Variants in SDCCAG8 observed in about 807,000 individuals in gnomAD.
SDCCAG8 encodes SHH signaling and ciliogenesis regulator SDCCAG8.
A neutral mutation model predicts 101.8 loss-of-function variants in SDCCAG8; 74 were observed. The observed-to-expected ratio is 0.73, with a 90% CI of 0.60 to 0.88. The LOEUF (loss-of-function observed/expected upper bound fraction) is 0.88. SDCCAG8 is among the 40% of genes least tolerant of loss of function. SDCCAG8 has a pLI of 0.00. For synonymous variants in SDCCAG8, 281 were observed against 292.9 expected (o/e 0.96, Z 0.41); for missense variants, 787 against 822.6 (o/e 0.96, Z 0.53).
At chr1:243,482,062 A>G (rs1663858830) in intron 16 of SDCCAG8, among the ~76,000 whole-genome samples, 1 of 152,258 alleles carries the variant, frequency 6.6e-6, no homozygotes, top group African/African-American at 2.4e-5. Flanking sequence ...TATGTATCAC[A>G]TACAACATAA....
chr1:243,478,956 CAAAA>C (rs148382740), intron 16 of SDCCAG8, among the ~76,000 whole-genome samples: 23 of 94,720 alleles, frequency 2.4e-4, no homozygotes, highest in Admixed American at 3.5e-4. Flanking sequence ...GACTCTGTCT[CAAAA>C]AAAAAAAAAA....
chr1:243,433,058 A>C (rs537674679), intron 16 of SDCCAG8, among the ~76,000 whole-genome samples: 1 of 152,104 alleles, frequency 6.6e-6, no homozygotes, highest in Non-Finnish European at 1.5e-5. Context: ...AACTGGGCGA[A>C]GGGTCACCTC....
intron 11 of SDCCAG8, among the ~76,000 whole-genome samples, chr1:243,341,591 T>A (rs1478982732): frequency 6.6e-6 from 1 of 152,234 alleles, no homozygotes; most frequent in Non-Finnish European, 1.5e-5. Context: ...TATTGACAAC[T>A]TAAAAGGTGT....
At position 243,286,297 on chromosome 1, in the gene SDCCAG8, A is replaced by G; in HGVS notation, c.446A>G (p.Lys149Arg). The G allele has an allele frequency of 6.2e-7, 1 of 1,614,102 alleles. No homozygotes were observed. Residue 149 changes from lysine (K) to arginine (R), a missense_variant, in exon 5 of 18, where the codon AAA becomes AGA. Coordinates refer to ENST00000366541, the MANE Select transcript of SDCCAG8 (RefSeq NM_006642.5). ...GAGGAACTCTCTGGAATGAAAAATA[A>G]AATACAAGTAGTTGTGCTTGAAAAC... ...CKEELSGMKN[K>R]IQVVVLENEG... is the part of the protein sequence containing the mutation.
intron 16 of SDCCAG8, among the ~76,000 whole-genome samples, chr1:243,439,926 G>T (rs1415776864): frequency 6.6e-6 from 1 of 152,156 alleles, no homozygotes; most frequent in Non-Finnish European, 1.5e-5. Flanking sequence ...TCTCTACTAG[G>T]GGCCTTTCAG....
chr1:243,455,984 G>T (rs142532717), intron 16 of SDCCAG8, among the ~76,000 whole-genome samples: 1 of 152,200 alleles, frequency 6.6e-6, no homozygotes, highest in Non-Finnish European at 1.5e-5. Flanking sequence ...CCTCTGGACC[G>T]AAGGGATGCG....
chr1:243,456,677 A>G (rs1193047361), intron 16 of SDCCAG8, among the ~76,000 whole-genome samples: 3 of 152,150 alleles, frequency 2.0e-5, no homozygotes, highest in East Asian at 3.9e-4. Flanking sequence ...AGGGAGGGCA[A>G]TTGGCTTGGT....
At chr1:243,291,811 G>C (rs2070296146) in intron 5 of SDCCAG8, among the ~76,000 whole-genome samples, 1 of 152,084 alleles carries the variant, frequency 6.6e-6, no homozygotes, top group African/African-American at 2.4e-5. Flanking sequence ...CAGGTTAAGG[G>C]CTCAGTACCA....
At chr1:243,333,376 G>A (rs2074767132) in intron 10 of SDCCAG8, among the ~76,000 whole-genome samples, 1 of 152,198 alleles carries the variant, frequency 6.6e-6, no homozygotes, top group Non-Finnish European at 1.5e-5. Flanking sequence ...CTAAAAATCT[G>A]ATTGTCCAAA....
chr1:243,401,096 G>T (rs1286398184), intron 13 of SDCCAG8, among the ~76,000 whole-genome samples: 2 of 152,146 alleles, frequency 1.3e-5, no homozygotes, highest in East Asian at 1.9e-4. Flanking sequence ...TACTGGTGAG[G>T]TTTTCTATAA....
intron 13 of SDCCAG8, among the ~76,000 whole-genome samples, chr1:243,408,173 T>C (rs755815387): frequency 1.3e-5 from 2 of 152,236 alleles, no homozygotes; most frequent in Non-Finnish European, 2.9e-5. Context: ...TTCCGTCTTT[T>C]AGTAGTTGAT....
intron 8 of SDCCAG8, among the ~76,000 whole-genome samples, chr1:243,310,201 T>A (rs1353178241): frequency 1.3e-5 from 2 of 152,076 alleles, no homozygotes; most frequent in Non-Finnish European, 2.9e-5. Flanking sequence ...TTGGTTCTGT[T>A]TTTGTTAAGT....
intron 12 of SDCCAG8, among the ~76,000 whole-genome samples, chr1:243,346,914 A>G (rs1220686183): frequency 6.6e-6 from 1 of 152,230 alleles, no homozygotes; most frequent in Non-Finnish European, 1.5e-5. Flanking sequence ...GTATGAGGGT[A>G]TAGGGAATAT....
intron 8 of SDCCAG8, 85 bp from the exon 9 acceptor site, chr1:243,316,670 C>T (rs1573229929): frequency 6.5e-7 from 1 of 1,537,896 alleles, no homozygotes; most frequent in Non-Finnish European, 9.0e-7. Flanking sequence ...TCTTCTAATA[C>T]ATATTAATGC....
chr1:243,411,198 C>A (rs549412931), intron 13 of SDCCAG8, among the ~76,000 whole-genome samples: 1 of 152,244 alleles, frequency 6.6e-6, no homozygotes, highest in Admixed American at 6.5e-5. Flanking sequence ...ACTGTAGCCT[C>A]AACCTCCCTG....
rs1198895693 is a variant in SDCCAG8, at chr1:243,270,268, A to G, written c.220+11A>G. The G allele has an allele frequency of 6.2e-7, 1 of 1,613,606 alleles. No homozygotes were observed. The highest frequency in any genetic ancestry group is 1.1e-5 in the South Asian group (1 of 91,038). ...AACAGAGCCATGCTGGTGAGTGTGA[A>G]TGTCAATCCTAGTCTGAATGATGCA... On this transcript the variant is annotated intron_variant, in intron 2 of 17. Coordinates refer to ENST00000366541, the MANE Select transcript of SDCCAG8 (RefSeq NM_006642.5).
At position 243,344,453 on chromosome 1, in the gene SDCCAG8, G is replaced by C. The variant is rs998285622; in HGVS notation, c.1473+122G>C. On this transcript the variant is annotated intron_variant, in intron 12 of 17. Coordinates refer to ENST00000366541, the MANE Select transcript of SDCCAG8 (RefSeq NM_006642.5). Reference sequence around the variant, plus strand: ...TGTTTCTAACTAATGGGATGATCCAGTTTACACTGTTAGGAAAATTTCTTT... The same window carrying C: ...TGTTTCTAACTAATGGGATGATCCACTTTACACTGTTAGGAAAATTTCTTT... 15 of 816,092 alleles carry C rather than the reference G, an allele frequency of 1.8e-5. No homozygotes were observed. The African/African-American group carries it at 2.6e-4, about 14-fold the overall frequency. 50.6% of individuals were successfully genotyped at this position (816,092 alleles called of 1,614,324 possible).
chr1:243,436,122 C>T (rs1287121564), intron 16 of SDCCAG8, among the ~76,000 whole-genome samples: 3 of 151,158 alleles, frequency 2.0e-5, no homozygotes, highest in African/African-American at 7.3e-5. Context: ...TGATATATCT[C>T]TACCATTGAA....
chr1:243,466,586 A>G (rs950794597), intron 16 of SDCCAG8, among the ~76,000 whole-genome samples: 1 of 152,244 alleles, frequency 6.6e-6, no homozygotes, highest in Non-Finnish European at 1.5e-5. Context: ...GGATTGAATG[A>G]GTTATTACAC....
Sources: gnomAD v4.1 joint callset for allele counts (sites outside exome capture counted in the v4.1 genomes callset) on GRCh38, gnomAD v4.1.1 for gene constraint, MANE v1.5 for transcripts, NCBI Gene and HGNC (gene_info 2026-07-23, HGNC 2026-07-21) for gene names.